TIAM2: variants seen among roughly 807,000 people sequenced by gnomAD.
TIAM2 encodes TIAM Rac1 associated GEF 2.
Under a neutral mutation model 152.9 loss-of-function variants are expected in TIAM2, and 80 were observed. The observed-to-expected ratio is 0.52, with a 90% CI of 0.44 to 0.63. The LOEUF is 0.63. Ranked by LOEUF, TIAM2 falls within the 30% of genes least tolerant of loss-of-function variation. TIAM2 has a pLI of 0.00. For missense variants in TIAM2, 1,965 were observed against 2,120.1 expected (o/e 0.93, Z 1.44); for synonymous variants, 804 against 838.0 (o/e 0.96, Z 0.70).
chr6:155,148,735 A>G (rs1779876885), intron 7 of TIAM2, among the ~76,000 whole-genome samples: 1 of 152,190 alleles, frequency 6.6e-6, no homozygotes, highest in Non-Finnish European at 1.5e-5. Context: ...GTTTGGTGTA[A>G]CAGCTGTTTC....
rs763214761 is a variant in TIAM2 at position 155,137,569 on chromosome 6, G to A, written c.1587G>A (p.Leu529=). 5.6e-6 allele frequency: 9 copies of A among 1,610,118 alleles called. No homozygotes were observed. Among genetic ancestry groups the A allele is most frequent in the Non-Finnish European group, 6.8e-6 (8 of 1,179,622 alleles). Residue 529 remains leucine, a synonymous_variant, in exon 5 of 27, where the codon CTG becomes CTA. Transcript: ENST00000682666. Reference sequence around the variant, plus strand: ...TGCAGAAGGAAAGGAAGCTTGAGCTGGTGGCACGAAGGAAATGGAAACAGT... The same window carrying A: ...TGCAGAAGGAAAGGAAGCTTGAGCTAGTGGCACGAAGGAAATGGAAACAGT... The part of the protein sequence containing the change: ...VTVQKERKLE[L]VARRKWKQYW...
intron 1 of TIAM2, among the ~76,000 whole-genome samples, chr6:155,063,887 A>C (rs1777638603): frequency 1.3e-5 from 2 of 152,092 alleles, no homozygotes; most frequent in African/African-American, 4.8e-5. Context: ...TGTGGATGTA[A>C]GATAGTGAAG....
Position 155,129,883 on chromosome 6 carries a change from C to T in TIAM2, c.660C>T (p.Ala220=), listed in dbSNP as rs141082778. 6.9e-5 allele frequency: 111 copies of T among 1,613,780 alleles called. No homozygotes were observed. In the African/African-American group the frequency reaches 1.2e-3, roughly 18 times the overall value. Residue 220 remains alanine (A), a synonymous_variant, in exon 4 of 27, where the codon GCC becomes GCT. Coordinates refer to ENST00000682666, the MANE Select transcript of TIAM2 (RefSeq NM_012454.4). This position sits in a 1 kb window ranked among gnomAD's most constrained non-coding sequence, Gnocchi z 4.8. The stretch of plus-strand genomic sequence containing the variant: ...CTGAAGCCAGGAGGGGGTCCAGCGC[C>T]GATTCCCTGCCCAGCCATCGCCCCT... ...PVPEARRGSS[A]DSLPSHRPSP... is the part of the protein sequence containing the mutation.
At chr6:155,048,392 C>G (rs1355969463) in intron 1 of TIAM2, among the ~76,000 whole-genome samples, 1 of 152,170 alleles carries the variant, frequency 6.6e-6, no homozygotes, top group African/African-American at 2.4e-5. Flanking sequence ...CACGCCTGGC[C>G]AAGGGTCATT....
At chr6:155,226,555 C>T (rs1295956316) in intron 15 of TIAM2, among the ~76,000 whole-genome samples, 1 of 151,884 alleles carries the variant, frequency 6.6e-6, no homozygotes, top group African/African-American at 2.4e-5. Context: ...ATCCCAGCTA[C>T]TCAGGAGCCT....
At chr6:155,152,158 C>G (rs1461981452) in intron 7 of TIAM2, among the ~76,000 whole-genome samples, 1 of 152,168 alleles carries the variant, frequency 6.6e-6, no homozygotes, top group Non-Finnish European at 1.5e-5. Flanking sequence ...TTTTTAGAAT[C>G]TTAAAGACAG....
chr6:155,219,887 AAG>A (rs1162114040), intron 15 of TIAM2, among the ~76,000 whole-genome samples: 26 of 152,218 alleles, frequency 1.7e-4, no homozygotes, highest in Non-Finnish European at 3.5e-4. Context: ...GAAAAAAAAA[AAG>A]AGTGGTATTG....
At chr6:155,083,249 C>A (rs140310722) in intron 1 of TIAM2, among the ~76,000 whole-genome samples, 6 of 150,190 alleles carry the variant, frequency 4.0e-5, no homozygotes. Context: ...CTCAGGAGGC[C>A]GAGGCAGGAG....
chr6:155,050,710 G>T (rs1777299777), intron 1 of TIAM2, among the ~76,000 whole-genome samples: 1 of 152,210 alleles, frequency 6.6e-6, no homozygotes, highest in African/African-American at 2.4e-5. Context: ...CACCCAGTCT[G>T]TGATTAGGTC....
chr6:155,135,612 C>T (rs1418001269), intron 4 of TIAM2, among the ~76,000 whole-genome samples: 3 of 152,178 alleles, frequency 2.0e-5, no homozygotes, highest in South Asian at 2.1e-4. Context: ...GACTAGACTT[C>T]TAATCCAGAT....
At position 155,052,495 on chromosome 6, in the gene TIAM2, G is replaced by C. The variant is rs148634588; in HGVS notation, c.-208-37794G>C. Among the ~76,000 whole-genome samples, 703 of 152,150 alleles carry C rather than the reference G, an allele frequency of 4.6e-3. 3 individuals carry two copies. Among genetic ancestry groups the C allele is most frequent in the Non-Finnish European group, 7.9e-3 (537 of 68,000 alleles). ...GAAATTGATAGCCTGGGCTGTCACG[G>C]TGGCTCACACCTGTAATCCTAGCAC... is the stretch of plus-strand genomic sequence containing the variant. On this transcript the variant is annotated intron_variant, in intron 1 of 26. Coordinates refer to ENST00000682666, the MANE Select transcript of TIAM2 (RefSeq NM_012454.4).
chr6:155,087,730 C>T (rs1778204070), intron 1 of TIAM2, among the ~76,000 whole-genome samples: 1 of 151,930 alleles, frequency 6.6e-6, no homozygotes, highest in African/African-American at 2.4e-5. Context: ...GCCTGGGTGA[C>T]AGAGTGAGAC....
rs1781067704 is a variant in TIAM2, at chr6:155,187,495, G to A, written c.3064+3995G>A. On this transcript the variant is annotated intron_variant, in intron 14 of 26. Coordinates refer to ENST00000682666, the MANE Select transcript of TIAM2 (RefSeq NM_012454.4). Reference sequence around the variant, plus strand: ...ACCTGCTGAGCTTAATGAAAATGCAGATTCCAGGGTTTTGCTGTGGGTGCA... The same window carrying A: ...ACCTGCTGAGCTTAATGAAAATGCAAATTCCAGGGTTTTGCTGTGGGTGCA... Among the ~76,000 whole-genome samples the A allele has an allele frequency of 2.7e-5, 4 of 150,576 alleles. No homozygotes were observed. In the South Asian group the frequency reaches 8.5e-4, roughly 32 times the overall value.
chr6:155,251,141 TG>T (rs915098268), intron 22 of TIAM2, 120 bp downstream of exon 22: 2 of 834,338 alleles, frequency 2.4e-6, no homozygotes, highest in African/African-American at 3.4e-5. Flanking sequence ...CTATAATGGT[TG>T]GGGACTTAAC....
At chr6:155,119,009 A>G (rs577238021) in intron 2 of TIAM2, among the ~76,000 whole-genome samples, 1 of 150,494 alleles carries the variant, frequency 6.6e-6, no homozygotes, top group South Asian at 2.1e-4. Flanking sequence ...GCCTTGGACA[A>G]TGACTTCCCT....
At chr6:155,020,343 T>C (rs985555939) in intron 1 of TIAM2, among the ~76,000 whole-genome samples, 32 of 152,246 alleles carry the variant, frequency 2.1e-4, no homozygotes, top group African/African-American at 6.5e-4. Flanking sequence ...AAGATTTTTT[T>C]CCCCAAAACT....
intron 1 of TIAM2, among the ~76,000 whole-genome samples, chr6:155,026,924 G>A (rs1419274447): frequency 6.6e-6 from 1 of 152,164 alleles, no homozygotes; most frequent in East Asian, 1.9e-4. Flanking sequence ...ATTTGTTATA[G>A]TGCACATCTT....
chr6:155,008,433 G>C (rs1383393193), intron 1 of TIAM2, among the ~76,000 whole-genome samples: 1 of 152,168 alleles, frequency 6.6e-6, no homozygotes, highest in Non-Finnish European at 1.5e-5. Flanking sequence ...AATTGCCTCA[G>C]GCTAGGGGTG....
chr6:155,042,268 G>A lies in TIAM2; in HGVS notation c.-209+46776G>A, dbSNP rs568882609. Reference sequence around the variant, plus strand: ...CAAGACTAGAAACCTGTCTTCCAGGGCTTGGTAAGTTTGGCCTATGCAACT... The same window carrying A: ...CAAGACTAGAAACCTGTCTTCCAGGACTTGGTAAGTTTGGCCTATGCAACT... On this transcript the variant is annotated intron_variant, in intron 1 of 26. Transcript: ENST00000682666. 2.8e-3 allele frequency among the ~76,000 whole-genome samples: 427 copies of A among 151,746 alleles called. 1 individual carries two copies. Among genetic ancestry groups the A allele is most frequent in the Middle Eastern group, 6.8e-3 (2 of 294 alleles).
Sources: gnomAD v4.1 joint callset for allele counts (sites outside exome capture counted in the v4.1 genomes callset) on GRCh38, gnomAD v4.1.1 for gene constraint, Gnocchi (gnomAD v3.1) non-coding constraint, MANE v1.5 for transcripts, NCBI Gene and HGNC (gene_info 2026-07-23, HGNC 2026-07-21) for gene names.